The following DRC11 variants were observed in gnomAD, a reference collection of about 807,000 sequenced individuals.
DRC11 encodes dynein regulatory complex subunit 11.
At chr2:236,422,576 T>C in the DRC11 span, among the ~76,000 whole-genome samples, 1 of 152,110 alleles carries the variant, frequency 6.6e-6, no homozygotes, top group Non-Finnish European at 1.5e-5. Context: ...GGAAGAACAT[T>C]CCATGCTCAT....
At chr2:236,472,700 A>G in the DRC11 span, among the ~76,000 whole-genome samples, 1 of 152,212 alleles carries the variant, frequency 6.6e-6, no homozygotes. This position sits in a 1 kb window ranked among gnomAD's most constrained non-coding sequence, Gnocchi z 4.6. Context: ...TCAATCTGTC[A>G]TAAGGGCCTC....
chr2:236,410,202 A>G, the DRC11 span, among the ~76,000 whole-genome samples: 1 of 151,326 alleles, frequency 6.6e-6, no homozygotes, highest in East Asian at 1.9e-4. Flanking sequence ...TCCTCCTTGT[A>G]CCTCTGGTAG....
chr2:236,395,099 A>G, the DRC11 span, among the ~76,000 whole-genome samples: 133 of 152,334 alleles, frequency 8.7e-4, 1 homozygote, highest in African/African-American at 3.1e-3. Flanking sequence ...CAGTCTCATA[A>G]GAGGTGGCCC....
At chr2:236,503,897 T>G in the DRC11 span, among the ~76,000 whole-genome samples, 2 of 152,088 alleles carry the variant, frequency 1.3e-5, no homozygotes, top group Non-Finnish European at 2.9e-5. This position sits in a 1 kb window ranked among gnomAD's most constrained non-coding sequence, Gnocchi z 4.9. Context: ...AGCCCAGCCA[T>G]GAAGGTCAAA....
the DRC11 span, among the ~76,000 whole-genome samples, chr2:236,383,739 G>A: frequency 6.7e-6 from 1 of 149,900 alleles, no homozygotes; most frequent in Non-Finnish European, 1.5e-5. Flanking sequence ...ATGTATACAT[G>A]TGCCATGCTG....
chr2:236,356,788 C>T, the DRC11 span, among the ~76,000 whole-genome samples: 281 of 151,316 alleles, frequency 1.9e-3, 3 homozygotes, highest in South Asian at 0.018. Context: ...TGGGGGGTGG[C>T]GGGGGTGGTA....
the DRC11 span, chr2:236,507,459 C>T: frequency 8.1e-6 from 5 of 615,308 alleles, no homozygotes; most frequent in Non-Finnish European, 1.4e-5. Context: ...GGGTTTGCTT[C>T]GCAGGCACGG....
the DRC11 span, among the ~76,000 whole-genome samples, chr2:236,310,379 C>T: frequency 6.6e-6 from 1 of 152,144 alleles, no homozygotes; most frequent in African/African-American, 2.4e-5. The surrounding 1 kb of genome is among the most constrained non-coding windows in gnomAD (Gnocchi z 5.5). Flanking sequence ...CTACTGTGCC[C>T]CAGGGACATA....
chr2:236,453,243 C>T, the DRC11 span, among the ~76,000 whole-genome samples: 1 of 152,190 alleles, frequency 6.6e-6, no homozygotes, highest in Non-Finnish European at 1.5e-5. This position sits in a 1 kb window ranked among gnomAD's most constrained non-coding sequence, Gnocchi z 4.9. Context: ...TTATGTACTA[C>T]TTTTGAAAAG....
chr2:236,365,319 G>A, the DRC11 span, among the ~76,000 whole-genome samples: 3 of 152,038 alleles, frequency 2.0e-5, no homozygotes, highest in East Asian at 5.8e-4. This position sits in a 1 kb window ranked among gnomAD's most constrained non-coding sequence, Gnocchi z 7.4. Flanking sequence ...TGCTCCCCGC[G>A]GAGGACTCAG....
chr2:236,446,447 G>A, the DRC11 span, among the ~76,000 whole-genome samples: 1 of 152,190 alleles, frequency 6.6e-6, no homozygotes, highest in Non-Finnish European at 1.5e-5. The surrounding 1 kb of genome is among the most constrained non-coding windows in gnomAD (Gnocchi z 6.2). Flanking sequence ...CCAAATTACA[G>A]GGCGTCAGGA....
At chr2:236,318,569 G>GTGTGT in the DRC11 span, among the ~76,000 whole-genome samples, 24,600 of 151,884 alleles carry the variant, frequency 0.16, 4,751 homozygotes, top group African/African-American at 0.47. The surrounding 1 kb of genome is among the most constrained non-coding windows in gnomAD (Gnocchi z 7.0). Context: ...AGTGGTCCAT[G>GTGTGT]TGTGTGTTTG....
the DRC11 span, among the ~76,000 whole-genome samples, chr2:236,351,548 G>A: frequency 3.9e-5 from 6 of 152,326 alleles, no homozygotes; most frequent in East Asian, 1.2e-3. The surrounding 1 kb of genome is among the most constrained non-coding windows in gnomAD (Gnocchi z 7.3). Flanking sequence ...GTATCCTGGA[G>A]GCTGTGGAAG....
chr2:236,466,527 T>C, the DRC11 span, among the ~76,000 whole-genome samples: 273 of 152,280 alleles, frequency 1.8e-3, 4 homozygotes, highest in Admixed American at 0.014. Flanking sequence ...ATGAGAAGCA[T>C]GGTGCCAGCA....
At chr2:236,373,543 G>A in the DRC11 span, among the ~76,000 whole-genome samples, 1 of 152,126 alleles carries the variant, frequency 6.6e-6, no homozygotes, top group African/African-American at 2.4e-5. Context: ...GAACCACCGC[G>A]CTTGACCTCT....
chr2:236,485,735 T>C, the DRC11 span, among the ~76,000 whole-genome samples: 4 of 152,142 alleles, frequency 2.6e-5, no homozygotes, highest in Admixed American at 2.0e-4. Context: ...GAGCCCAGCC[T>C]GGCAGTGGGA....
At chr2:236,487,186 T>C in the DRC11 span, among the ~76,000 whole-genome samples, 2 of 152,208 alleles carry the variant, frequency 1.3e-5, no homozygotes, top group Admixed American at 6.5e-5. Flanking sequence ...AGGCTAGATC[T>C]AAGGACGGCA....
At chr2:236,448,066 T>G in the DRC11 span, among the ~76,000 whole-genome samples, 4 of 152,230 alleles carry the variant, frequency 2.6e-5, no homozygotes, top group Non-Finnish European at 4.4e-5. The surrounding 1 kb of genome is among the most constrained non-coding windows in gnomAD (Gnocchi z 5.3). Flanking sequence ...TTTAACACAA[T>G]GATTTTGCAG....
the DRC11 span, among the ~76,000 whole-genome samples, chr2:236,403,696 G>T: frequency 1.3e-5 from 2 of 152,010 alleles, no homozygotes; most frequent in Non-Finnish European, 1.5e-5. Context: ...TCCTAACTTT[G>T]TGGCCTTATC....
Sources: allele counts gnomAD v4.1 joint callset (sites outside exome capture counted in the v4.1 genomes callset), GRCh38; gene constraint gnomAD v4.1.1; non-coding constraint Gnocchi (gnomAD v3.1); transcripts MANE v1.5; gene names NCBI Gene and HGNC (gene_info 2026-07-23, HGNC 2026-07-21).